NHSL1: variants seen among roughly 807,000 people sequenced by gnomAD.
The protein encoded by NHSL1 is NHS-like protein 1.
A neutral mutation model predicts 95.0 loss-of-function variants in NHSL1; 48 were observed. That is an observed-to-expected ratio of 0.51 (90% CI 0.40 to 0.64). The LOEUF (loss-of-function observed/expected upper bound fraction) is 0.64, where lower values mean the gene tolerates loss of function less well. Among genes scored for constraint, NHSL1 ranks in the 30% least tolerant of loss-of-function variants. NHSL1 has a pLI of 0.00. For synonymous variants in NHSL1, 783 were observed against 833.9 expected (o/e 0.94, Z 1.05); for missense variants, 1,971 against 2,077.7 (o/e 0.95, Z 1.00).
intron 1 of NHSL1, among the ~76,000 whole-genome samples, chr6:138,540,422 T>A (rs1027703185): frequency 3.9e-5 from 6 of 152,244 alleles, no homozygotes; most frequent in African/African-American, 1.4e-4. Flanking sequence ...AAGAAGGGGC[T>A]AGGGACCTTC....
chr6:138,670,388 C>T (rs1245366769), intron 1 of NHSL1, among the ~76,000 whole-genome samples: 3 of 150,406 alleles, frequency 2.0e-5, no homozygotes, highest in African/African-American at 7.4e-5. Flanking sequence ...AAAAAAAGGC[C>T]GGGCGCGGTG....
At chr6:138,433,771 A>C in intron 5 of NHSL1, 91 bp from the exon 6 acceptor site, 2 of 1,390,370 alleles carry the variant, frequency 1.4e-6, no homozygotes, top group Non-Finnish European at 1.9e-6. Context: ...AATTTTAAAA[A>C]AATTTTTCTA....
intron 3 of NHSL1, among the ~76,000 whole-genome samples, chr6:138,453,101 A>G (rs1777347235): frequency 6.6e-6 from 1 of 151,900 alleles, no homozygotes; most frequent in Non-Finnish European, 1.5e-5. Context: ...CAGCCTCCCA[A>G]GTAGCTGGGA....
At chr6:138,595,486 G>A (rs187794268) in intron 1 of NHSL1, among the ~76,000 whole-genome samples, 138 of 152,288 alleles carry the variant, frequency 9.1e-4, no homozygotes, top group Admixed American at 1.1e-3. Context: ...CAAGGTGGGA[G>A]GATCACTTGT....
intron 1 of NHSL1, among the ~76,000 whole-genome samples, chr6:138,595,594 T>C (rs1437585113): frequency 1.3e-5 from 2 of 152,152 alleles, no homozygotes; most frequent in Non-Finnish European, 2.9e-5. Flanking sequence ...AAAACAGATA[T>C]ATTAAGTCTT....
At chr6:138,487,059 AAAG>A (rs1367135284) in intron 2 of NHSL1, among the ~76,000 whole-genome samples, 1 of 152,212 alleles carries the variant, frequency 6.6e-6, no homozygotes, top group Non-Finnish European at 1.5e-5. Flanking sequence ...CAGTAGACAG[AAAG>A]AAGAACAAGA....
At chr6:138,517,187 A>T (rs1032499588) in intron 1 of NHSL1, among the ~76,000 whole-genome samples, 1 of 152,176 alleles carries the variant, frequency 6.6e-6, no homozygotes, top group Non-Finnish European at 1.5e-5. Context: ...ACAGTCCAGG[A>T]GGTAGGATAC....
At chr6:138,491,919 T>G (rs1780101176) in intron 2 of NHSL1, among the ~76,000 whole-genome samples, 1 of 152,234 alleles carries the variant, frequency 6.6e-6, no homozygotes, top group South Asian at 2.1e-4. Flanking sequence ...TTTTGGATTT[T>G]GGAGCATTTC....
intron 2 of NHSL1, among the ~76,000 whole-genome samples, chr6:138,475,077 A>G (rs185310513): frequency 6.6e-6 from 1 of 150,760 alleles, no homozygotes; most frequent in East Asian, 1.9e-4. Flanking sequence ...TGAACCCGGG[A>G]GGCAGAAGTT....
chr6:138,478,012 C>CTTTTTTTTTTTTTT lies in NHSL1; in HGVS notation c.212-4593_212-4580dup, dbSNP rs71009589. The stretch of plus-strand genomic sequence containing the variant: ...TTTTTTCACCATGAAATTTATGTCA[C>CTTTTTTTTTTTTTT]TTTTTTTTTTTTTTTTTTTTTTTTT... On this transcript the variant is annotated intron_variant, in intron 2 of 7. Coordinates refer to ENST00000343505, the MANE Select transcript of NHSL1 (RefSeq NM_001144060.2). Among the ~76,000 whole-genome samples the CTTTTTTTTTTTTTT allele has an allele frequency of 4.7e-4, 14 of 30,018 alleles. 2 individuals are homozygous for CTTTTTTTTTTTTTT. The highest frequency in any genetic ancestry group is 5.9e-4 in the African/African-American group (4 of 6,778). 19.7% of individuals were successfully genotyped at this position (30,018 alleles called of 152,430 possible).
Position 138,430,459 on chromosome 6 carries a change from GCTC to G in NHSL1, c.3883_3885del (p.Glu1295del), listed in dbSNP as rs1562256029. 3.2e-6 allele frequency: 5 copies of G among 1,548,450 alleles called. No homozygotes were observed. The highest frequency in any genetic ancestry group is 4.4e-6 in the Non-Finnish European group (5 of 1,145,166). On this transcript the variant is annotated inframe_deletion, in exon 6 of 8. Coordinates refer to ENST00000343505, the MANE Select transcript of NHSL1 (RefSeq NM_001144060.2). The surrounding 1 kb of genome is among the most constrained non-coding windows in gnomAD (Gnocchi z 4.7). ...CCAGTATCCGCACTGTTCTCGGCTG[GCTC>G]CTCCTGCTTGGGGGCTGGTGAGACA...
At position 138,641,622 on chromosome 6, in the gene NHSL1, C is replaced by CAA. The variant is rs771307557; in HGVS notation, c.96+50852_96+50853dup. 5.8e-3 allele frequency among the ~76,000 whole-genome samples: 444 copies of CAA among 76,254 alleles called. 6 individuals carry two copies. The East Asian group carries it at 0.082, about 14-fold the overall frequency. The allele number at this position is 76,254 out of a possible 152,430, so 50.0% of individuals were successfully genotyped here. On this transcript the variant is annotated intron_variant, in intron 1 of 3. Coordinates refer to the NHSL1 transcript ENST00000491526. ...TGGGTGACAGAGTGAGACTCCGTCTCAAAAAAAAAAAAAAAAAAAAAAAAT... is the reference window on the plus strand; with the variant it reads ...TGGGTGACAGAGTGAGACTCCGTCTCAAAAAAAAAAAAAAAAAAAAAAAAAAT...
At chr6:138,583,938 C>T (rs1054790424) in intron 1 of NHSL1, among the ~76,000 whole-genome samples, 2 of 151,996 alleles carry the variant, frequency 1.3e-5, no homozygotes, top group South Asian at 4.2e-4. Flanking sequence ...CCCCACACCC[C>T]ACCTCCCACC....
chr6:138,592,885 T>A (rs1784251758), intron 1 of NHSL1, among the ~76,000 whole-genome samples: 1 of 152,210 alleles, frequency 6.6e-6, no homozygotes, highest in Admixed American at 6.5e-5. Flanking sequence ...ATCACATATA[T>A]ATCATTCTAT....
At chr6:138,648,172 A>C (rs975674740) in intron 1 of NHSL1, among the ~76,000 whole-genome samples, 2 of 152,136 alleles carry the variant, frequency 1.3e-5, no homozygotes, top group Non-Finnish European at 2.9e-5. Flanking sequence ...ACACACACAC[A>C]GTTGCTAAGC....
At chr6:138,499,770 C>G (rs118037589), upstream of NHSL1, among the ~76,000 whole-genome samples, 1 of 152,286 alleles carries the variant, frequency 6.6e-6, no homozygotes, top group East Asian at 1.9e-4. Flanking sequence ...AGATCTTTTA[C>G]AGGAGCTGCC....
chr6:138,631,809 G>T (rs914945709), intron 1 of NHSL1, among the ~76,000 whole-genome samples: 1 of 152,152 alleles, frequency 6.6e-6, no homozygotes, highest in African/African-American at 2.4e-5. Context: ...TGGCTAAGGG[G>T]CAAGGCTCCT....
intron 1 of NHSL1, among the ~76,000 whole-genome samples, chr6:138,633,480 G>GCAGTGGACTTTT (rs1175168978): frequency 1.3e-5 from 2 of 152,208 alleles, no homozygotes; most frequent in Non-Finnish European, 2.9e-5. Context: ...AATACATCTG[G>GCAGTGGACTTTT]CAGTGGACTT....
At chr6:138,606,443 G>A (rs951763354) in intron 1 of NHSL1, among the ~76,000 whole-genome samples, 17 of 152,116 alleles carry the variant, frequency 1.1e-4, no homozygotes, top group African/African-American at 3.1e-4. Context: ...CAGCAGCTTC[G>A]GCATATTGCC....
Sources: allele counts gnomAD v4.1 joint callset (sites outside exome capture counted in the v4.1 genomes callset), GRCh38; gene constraint gnomAD v4.1.1; non-coding constraint Gnocchi (gnomAD v3.1); transcripts MANE v1.5; gene names NCBI Gene and HGNC (gene_info 2026-07-23, HGNC 2026-07-21).